The following CAMK4 variants were observed in gnomAD, a reference collection of about 807,000 sequenced individuals.
CAMK4 encodes calcium/calmodulin-dependent protein kinase type IV.
In CAMK4, 22 loss-of-function variants were observed where a neutral mutation model predicts 44.9. The observed-to-expected ratio is 0.49, with a 90% confidence interval of 0.35 to 0.70. CAMK4 has a LOEUF of 0.70. CAMK4 is among the 30% of genes least tolerant of loss of function. The pLI is 0.01. For synonymous variants in CAMK4, 218 were observed against 215.4 expected, an observed-to-expected ratio of 1.01 and a Z score of -0.11; for missense variants, 498 against 586.8, an observed-to-expected ratio of 0.85 and a Z score of 1.56.
Position 111,484,031 on chromosome 5 carries a change from G to A in CAMK4, c.987G>A (p.Ala329=), listed in dbSNP as rs752495726. ...EFNARRKLKA[A]VKAVVASSRL... ...ACTCTTCTGTTTCCAATCAGGCAGC[G>A]GTGAAGGCTGTGGTGGCCTCTTCGC... Residue 329 remains alanine, a synonymous_variant, in exon 11 of 11, where the codon GCG becomes GCA. Transcript: ENST00000282356. This position sits in a 1 kb window ranked among gnomAD's most constrained non-coding sequence, Gnocchi z 5.3. 22 of 1,578,318 alleles carry A rather than the reference G, an allele frequency of 1.4e-5. No homozygotes were observed. The highest frequency in any genetic ancestry group is 2.4e-5 in the South Asian group (2 of 84,716).
rs900504816 is a variant in CAMK4, at chr5:111,352,605, G to A, written c.240+8503G>A. Among the ~76,000 whole-genome samples the A allele has an allele frequency of 7.3e-5, 10 of 136,132 alleles. No individual in the cohort carries two copies. In the South Asian group the frequency reaches 1.8e-3, roughly 25 times the overall value. The allele number at this position is 136,132 out of a possible 152,430, so 89.3% of individuals were successfully genotyped here. On this transcript the variant is annotated intron_variant, in intron 2 of 10. Coordinates refer to ENST00000282356, the MANE Select transcript of CAMK4 (RefSeq NM_001744.6). ...TCAAGGGGCCAGCATGTGGTGAGGGGCTTCTTCCTGTGTCAACTCATGGCA... is the reference window on the plus strand; with the variant it reads ...TCAAGGGGCCAGCATGTGGTGAGGGACTTCTTCCTGTGTCAACTCATGGCA...
intron 5 of CAMK4, among the ~76,000 whole-genome samples, chr5:111,435,775 CT>C (rs1158546879): frequency 6.6e-6 from 1 of 152,160 alleles, no homozygotes. Context: ...TTAGCCAAAC[CT>C]TTCCATAGCC....
chr5:111,308,578 A>G (rs1439992258), intron 1 of CAMK4, among the ~76,000 whole-genome samples: 6 of 152,134 alleles, frequency 3.9e-5, no homozygotes, highest in Non-Finnish European at 7.3e-5. Context: ...TTGGAGATCA[A>G]TCCAAAATGA....
intron 2 of CAMK4, among the ~76,000 whole-genome samples, chr5:111,369,039 C>T (rs1041600774): frequency 1.3e-5 from 2 of 149,492 alleles, no homozygotes; most frequent in Non-Finnish European, 3.0e-5. Context: ...TTTCTACTCA[C>T]AAAATAATAA....
rs373177216 is a variant in CAMK4 at position 111,407,194 on chromosome 5, A to C, written c.459+12412A>C. On this transcript the variant is annotated intron_variant, in intron 5 of 10. Coordinates refer to ENST00000282356, the MANE Select transcript of CAMK4 (RefSeq NM_001744.6). ...TGGTGAAACCCATTATCTACTAAAAATACAAAATTAGCTGGGCATGACGGC... is the reference window on the plus strand; with the variant it reads ...TGGTGAAACCCATTATCTACTAAAACTACAAAATTAGCTGGGCATGACGGC... Among the ~76,000 whole-genome samples the C allele has an allele frequency of 2.0e-5, 3 of 152,116 alleles. No individual in the cohort carries two copies. The South Asian group carries it at 6.2e-4, about 32-fold the overall frequency.
At chr5:111,284,424 C>T (rs1048047146) in intron 1 of CAMK4, among the ~76,000 whole-genome samples, 4 of 152,172 alleles carry the variant, frequency 2.6e-5, no homozygotes, top group Non-Finnish European at 5.9e-5. Context: ...TGGCTTTCCT[C>T]AGAATCTTTC....
chr5:111,380,970 G>A (rs571026598), intron 4 of CAMK4, among the ~76,000 whole-genome samples: 3 of 152,200 alleles, frequency 2.0e-5, no homozygotes, highest in African/African-American at 7.2e-5. Flanking sequence ...TTAAGCCAGG[G>A]CATTATACCA....
intron 1 of CAMK4, among the ~76,000 whole-genome samples, chr5:111,331,406 G>C (rs1288627433): frequency 1.3e-5 from 2 of 151,566 alleles, no homozygotes; most frequent in Non-Finnish European, 3.0e-5. Context: ...CACTAAAATA[G>C]CAAAAACTAA....
chr5:111,274,440 A>G (rs948593928), intron 1 of CAMK4, among the ~76,000 whole-genome samples: 41 of 152,308 alleles, frequency 2.7e-4, no homozygotes, highest in African/African-American at 9.6e-4. Context: ...TTGGTGTTCA[A>G]TAAATATTTG....
chr5:111,250,052 C>T (rs1749421124), intron 1 of CAMK4, among the ~76,000 whole-genome samples: 1 of 152,114 alleles, frequency 6.6e-6, no homozygotes, highest in South Asian at 2.1e-4. Context: ...GTGCCCTACC[C>T]CAGGACTACC....
intron 8 of CAMK4, among the ~76,000 whole-genome samples, chr5:111,476,426 T>C (rs1755245995): frequency 6.6e-6 from 1 of 151,974 alleles, no homozygotes; most frequent in Admixed American, 6.6e-5. Flanking sequence ...TACAAGCACG[T>C]GCCACCATGC....
chr5:111,428,991 C>A (rs1022893421), intron 5 of CAMK4, among the ~76,000 whole-genome samples: 3 of 151,958 alleles, frequency 2.0e-5, no homozygotes, highest in African/African-American at 7.3e-5. Flanking sequence ...TACAGCAAAA[C>A]AGTATTCAGA....
intron 5 of CAMK4, among the ~76,000 whole-genome samples, chr5:111,399,509 G>A (rs576904611): frequency 6.6e-6 from 1 of 152,236 alleles, no homozygotes; most frequent in East Asian, 1.9e-4. Flanking sequence ...ACTTTGTGCT[G>A]TTCACCTTTA....
chr5:111,426,200 C>T (rs1271498638), intron 5 of CAMK4, among the ~76,000 whole-genome samples: 1 of 151,842 alleles, frequency 6.6e-6, no homozygotes, highest in East Asian at 1.9e-4. Context: ...CTCACATAAG[C>T]AATGTTAATA....
chr5:111,316,975 G>A (rs1331331564), intron 1 of CAMK4, among the ~76,000 whole-genome samples: 2 of 152,032 alleles, frequency 1.3e-5, no homozygotes, highest in African/African-American at 4.8e-5. Flanking sequence ...AGAGCACATA[G>A]GAATTCGTCT....
At chr5:111,228,957 G>C (rs1269864526) in intron 1 of CAMK4, among the ~76,000 whole-genome samples, 2 of 152,226 alleles carry the variant, frequency 1.3e-5, no homozygotes, top group South Asian at 2.1e-4. Context: ...CTGGCTAAGA[G>C]TGCCAGGGGC....
At chr5:111,266,886 C>A (rs1472284052) in intron 1 of CAMK4, among the ~76,000 whole-genome samples, 1 of 152,164 alleles carries the variant, frequency 6.6e-6, no homozygotes, top group Non-Finnish European at 1.5e-5. Flanking sequence ...TACTGTTCTC[C>A]ATTGGTTTCT....
At chr5:111,293,793 C>T (rs1429253543) in intron 1 of CAMK4, among the ~76,000 whole-genome samples, 4 of 134,820 alleles carry the variant, frequency 3.0e-5, no homozygotes, top group African/African-American at 1.2e-4. Context: ...GTCACCCAGG[C>T]TGGAGTGCAT....
In CAMK4 at chr5:111,397,230, T is replaced by A. The variant is rs560605622; in HGVS notation, c.459+2448T>A. 4.6e-5 allele frequency among the ~76,000 whole-genome samples: 7 copies of A among 152,334 alleles called. No homozygotes were observed. The South Asian group carries it at 1.5e-3, about 32-fold the overall frequency. On this transcript the variant is annotated intron_variant, in intron 5 of 10. Coordinates refer to ENST00000282356, the MANE Select transcript of CAMK4 (RefSeq NM_001744.6). ...AGATGTGTGAACTTGGACATGTCAC[T>A]AAATATCTTTGAGCCTCAATTTAGT...
Sources: gnomAD v4.1 joint callset for allele counts (sites outside exome capture counted in the v4.1 genomes callset) on GRCh38, gnomAD v4.1.1 for gene constraint, Gnocchi (gnomAD v3.1) non-coding constraint, MANE v1.5 for transcripts, NCBI Gene and HGNC (gene_info 2026-07-23, HGNC 2026-07-21) for gene names.